Variants in SET observed in about 807,000 individuals in gnomAD.
SET encodes the protein SET nuclear proto-oncogene.
SET carries 4 observed loss-of-function variants against 39.0 expected under a neutral mutation model. The observed-to-expected ratio is 0.10, with a 90% CI of 0.05 to 0.23. The LOEUF is 0.23. Ranked by LOEUF, SET falls within the 10% of genes least tolerant of loss-of-function variation. The pLI, the probability that SET is intolerant of heterozygous loss-of-function variation, is 1.00. For missense variants in SET, 137 were observed against 329.7 expected, an observed-to-expected ratio of 0.42 and a Z score of 4.53; for synonymous variants, 114 against 115.9, an observed-to-expected ratio of 0.98 and a Z score of 0.11.
intron 2 of SET, 147 bp from the exon 3 acceptor site, chr9:128,691,711 T>G (rs934966077): frequency 2.6e-6 from 2 of 773,320 alleles, no homozygotes; most frequent in African/African-American, 3.5e-5. Flanking sequence ...ATCTTAGTTT[T>G]GAGTGTCTAA....
rs1861427138 is a variant in SET, at chr9:128,689,637, G to A, written c.55G>A (p.Gly19Arg). The change falls in exon 1 of 8, where the codon GGG becomes AGG. Residue 19 changes from glycine (G) to arginine (R), a missense_variant. Transcript: ENST00000322030. ...AAAGGAGCTCAACTCCAACCACGAC[G>A]GGGCCGACGAGACCTCAGGTGAGAG... ...SKKELNSNHD[G>R]ADETSEKEQQ... 3 of 1,327,040 alleles carry A rather than the reference G, an allele frequency of 2.3e-6. No individual in the cohort carries two copies. The highest frequency in any genetic ancestry group is 3.4e-5 in the South Asian group (2 of 59,288). The allele number at this position is 1,327,040 out of a possible 1,614,324, so 82.2% of individuals were successfully genotyped here. A position where few individuals can be genotyped will look rare whatever the true frequency, so the allele number is the denominator to read the frequency against.
intron 5 of SET, among the ~76,000 whole-genome samples, chr9:128,693,386 G>A (rs1362430644): frequency 6.6e-6 from 1 of 152,178 alleles, no homozygotes; most frequent in African/African-American, 2.4e-5. Context: ...GTAAGACATA[G>A]TTTAGATATT....
At chr9:128,691,342 T>G in intron 2 of SET, 115 bp downstream of exon 2, 2 of 719,736 alleles carry the variant, frequency 2.8e-6, no homozygotes, top group Non-Finnish European at 4.7e-6. Flanking sequence ...TGATTCTAAC[T>G]TGGTTGGAAA....
chr9:128,685,537 C>T (rs1861253906), upstream of SET, among the ~76,000 whole-genome samples: 1 of 152,194 alleles, frequency 6.6e-6, no homozygotes, highest in South Asian at 2.1e-4. Flanking sequence ...ACTTCTCTAT[C>T]CTCACAGCCG....
Position 128,689,482 on chromosome 9 carries a change from G to T in SET, c.-101G>T. On this transcript the variant is annotated 5_prime_UTR_variant, in exon 1 of 8. Coordinates refer to ENST00000322030, the MANE Select transcript of SET (RefSeq NM_003011.4). ...CCGGGAGGAGGCGGCCGGACCGAGC[G>T]GGCGCCCGCGCGTGTGGCGTGAGGG... 2 of 645,304 alleles carry T rather than the reference G, an allele frequency of 3.1e-6. No individual in the cohort carries two copies. Among genetic ancestry groups the T allele is most frequent in the South Asian group, 4.7e-5 (1 of 21,284 alleles). The allele number at this position is 645,304 out of a possible 1,614,324, so 40.0% of individuals were successfully genotyped here.
At chr9:128,690,504 C>T (rs1223603125) in intron 1 of SET, 2 of 153,436 alleles carry the variant, frequency 1.3e-5, no homozygotes, top group South Asian at 2.0e-4. Context: ...CTTCCTCTCC[C>T]TTCTGTGCCT....
chr9:128,692,141 C>T (rs1861560080), intron 3 of SET, 141 bp downstream of exon 3: 2 of 989,854 alleles, frequency 2.0e-6, no homozygotes, highest in African/African-American at 3.3e-5. Flanking sequence ...AATCCCAGCA[C>T]TTTGGGAGGC....
At position 128,691,235 on chromosome 9, in the gene SET, T is replaced by G. The variant is rs376571785; in HGVS notation, c.131+8T>G. The G allele has an allele frequency of 6.6e-5, 104 of 1,568,138 alleles. 1 individual carries two copies. The highest frequency in any genetic ancestry group is 6.5e-5 in the Non-Finnish European group (74 of 1,146,420). On this transcript the variant is annotated splice_region_variant and intron_variant, in intron 2 of 7. Coordinates refer to ENST00000322030, the MANE Select transcript of SET (RefSeq NM_003011.4). ...ACAAAATGAAATAGACAGGTAACAT[T>G]TTTCTTAATATACTTCGGAGAAATT...
Position 128,694,091 on chromosome 9 carries a change from A to G in SET, c.810+49A>G, listed in dbSNP as rs565844832. On this transcript the variant is annotated intron_variant, in intron 7 of 7. Coordinates refer to ENST00000322030, the MANE Select transcript of SET (RefSeq NM_003011.4). ...CACAAAGATAACTTTTAAAGAATTC[A>G]TGTTATTTTGGGGTGTATATATATA... The G allele has an allele frequency of 2.2e-5, 31 of 1,395,370 alleles. No homozygotes were observed. In the East Asian group the frequency reaches 5.7e-4, roughly 26 times the overall value. 86.4% of individuals were successfully genotyped at this position (1,395,370 alleles called of 1,614,324 possible).
intron 5 of SET, 94 bp from the exon 6 acceptor site, chr9:128,693,544 G>A: frequency 7.6e-7 from 1 of 1,317,880 alleles, no homozygotes; most frequent in Non-Finnish European, 1.0e-6. Flanking sequence ...TATTTGTTTT[G>A]CTTAGCTTTT....
At chr9:128,691,298 C>A in intron 2 of SET, 71 bp downstream of exon 2, 3 of 965,982 alleles carry the variant, frequency 3.1e-6, no homozygotes, top group Non-Finnish European at 4.9e-6. Flanking sequence ...ATTATCGAAG[C>A]TATGGTCAAA....
chr9:128,694,239 G>C (rs199914924), intron 7 of SET, among the ~76,000 whole-genome samples, 197 bp downstream of exon 7: 14 of 146,946 alleles, frequency 9.5e-5, no homozygotes, highest in Admixed American at 2.0e-4. Context: ...GTTTTTTTTG[G>C]TTTTTTTTTG....
chr9:128,685,077 T>A (rs1003978798), upstream of SET: 7 of 1,534,854 alleles, frequency 4.6e-6, no homozygotes, highest in Non-Finnish European at 6.1e-6. Context: ...CAGGCAACTC[T>A]TATGGAAGAA....
chr9:128,683,786 C>G (rs1238932099), exon 1 of SET: 1 of 860,402 alleles, frequency 1.2e-6, no homozygotes, highest in Non-Finnish European at 1.8e-6. Context: ...CCAGGCAGGG[C>G]GGCTCCAGTG....
upstream of SET, among the ~76,000 whole-genome samples, chr9:128,688,329 A>T (rs912170514): frequency 1.3e-5 from 2 of 152,184 alleles, no homozygotes; most frequent in African/African-American, 4.8e-5. Context: ...TATTATTTAA[A>T]CAAAATGCTT....
chr9:128,691,110 A>G lies in SET; in HGVS notation c.74-60A>G, dbSNP rs1217079360. On this transcript the variant is annotated intron_variant, in intron 1 of 7. Transcript: ENST00000322030. ...ATGGCTTTTGGAATATTATAGTATT[A>G]ACATCTGGAAAACTAGGTAAATTTA... The G allele has an allele frequency of 2.3e-6, 3 of 1,308,932 alleles. No individual in the cohort carries two copies. In the East Asian group the frequency reaches 6.9e-5, roughly 30 times the overall value. The allele number at this position is 1,308,932 out of a possible 1,614,324, so 81.1% of individuals were successfully genotyped here. A position where few individuals can be genotyped will look rare whatever the true frequency, so the allele number is the denominator to read the frequency against.
At chr9:128,687,073 G>C (rs1181770953), upstream of SET, among the ~76,000 whole-genome samples, 1 of 152,162 alleles carries the variant, frequency 6.6e-6, no homozygotes, top group African/African-American at 2.4e-5. Flanking sequence ...TTTAGTTTAT[G>C]CTAGGCACAG....
chr9:128,687,710 A>C (rs928640683), upstream of SET, among the ~76,000 whole-genome samples: 1 of 151,008 alleles, frequency 6.6e-6, no homozygotes, highest in African/African-American at 2.4e-5. Flanking sequence ...ATGTCCAAAG[A>C]GAGATTTCAG....
Position 128,693,620 on chromosome 9 carries a change from C to A in SET, c.493-18C>A. Reference sequence around the variant, plus strand: ...TTATGGAGAGATTGTATCAAAAGCTCTTCCGGTATTCATTTAGGATTTGAC... The same window carrying A: ...TTATGGAGAGATTGTATCAAAAGCTATTCCGGTATTCATTTAGGATTTGAC... On this transcript the variant is annotated intron_variant, in intron 5 of 7. Transcript: ENST00000322030. The A allele has an allele frequency of 6.3e-7, 1 of 1,592,356 alleles. No individual in the cohort carries two copies. The highest frequency in any genetic ancestry group is 8.5e-7 in the Non-Finnish European group (1 of 1,169,610).
Sources: allele counts gnomAD v4.1 joint callset (sites outside exome capture counted in the v4.1 genomes callset), GRCh38; gene constraint gnomAD v4.1.1; transcripts MANE v1.5; gene names NCBI Gene and HGNC (gene_info 2026-07-23, HGNC 2026-07-21).